Variants in HNRNPUL1 observed in about 807,000 individuals in gnomAD.
HNRNPUL1 encodes the protein heterogeneous nuclear ribonucleoprotein U like 1.
HNRNPUL1 carries 14 observed loss-of-function variants against 108.5 expected under a neutral mutation model. The ratio of observed to expected loss-of-function variants is 0.13; its 90% CI spans 0.09 to 0.20. The LOEUF (loss-of-function observed/expected upper bound fraction) is 0.20. Ranked by LOEUF, HNRNPUL1 falls within the 10% of genes least tolerant of loss-of-function variation. HNRNPUL1 has a pLI of 1.00. For missense variants in HNRNPUL1, 804 were observed against 1,168.3 expected (o/e 0.69, Z 4.55); for synonymous variants, 422 against 445.2 (o/e 0.95, Z 0.66).
At chr19:41,303,618 T>C (rs2037370424) in intron 12 of HNRNPUL1, among the ~76,000 whole-genome samples, 1 of 151,942 alleles carries the variant, frequency 6.6e-6, no homozygotes, top group African/African-American at 2.4e-5. Flanking sequence ...CCTCCCAGAG[T>C]GCTAGGATTA....
At chr19:41,300,052 T>G (rs891658943) in intron 10 of HNRNPUL1, among the ~76,000 whole-genome samples, 1 of 152,124 alleles carries the variant, frequency 6.6e-6, no homozygotes, top group Non-Finnish European at 1.5e-5. Context: ...AGGCTGAGGC[T>G]GGGCCATCCC....
intron 10 of HNRNPUL1, among the ~76,000 whole-genome samples, chr19:41,296,118 C>T (rs1238214372): frequency 6.6e-6 from 1 of 152,206 alleles, no homozygotes; most frequent in African/African-American, 2.4e-5. Context: ...ATACCCTAGC[C>T]AGTATTCCTC....
In HNRNPUL1 at chr19:41,292,980, G is replaced by T. The variant is rs758510334; in HGVS notation, c.1266+469G>T. ...CCACCTCAGCTTCTCGAGTAGCTGGGACCACAGGTACATGCCACCATGCCA... is the reference window on the plus strand; with the variant it reads ...CCACCTCAGCTTCTCGAGTAGCTGGTACCACAGGTACATGCCACCATGCCA... On this transcript the variant is annotated intron_variant, in intron 8 of 14. Coordinates refer to ENST00000392006, the MANE Select transcript of HNRNPUL1 (RefSeq NM_007040.6). The surrounding 1 kb of genome is among the most constrained non-coding windows in gnomAD (Gnocchi z 4.1). 3.3e-5 allele frequency among the ~76,000 whole-genome samples: 5 copies of T among 151,982 alleles called. No homozygotes were observed. The highest frequency in any genetic ancestry group is 7.4e-5 in the Non-Finnish European group (5 of 68,008).
intron 1 of HNRNPUL1, among the ~76,000 whole-genome samples, chr19:41,266,631 G>A (rs2034865104): frequency 6.6e-6 from 1 of 152,120 alleles, no homozygotes; most frequent in Admixed American, 6.5e-5. Flanking sequence ...GGGGGGACTG[G>A]AAAGGTTAAG....
chr19:41,292,568 A>ACACC lies in HNRNPUL1; in HGVS notation c.1266+60_1266+61insCCAC. 7.7e-7 allele frequency: 1 copy of ACACC among 1,290,618 alleles called. No homozygotes were observed. Among genetic ancestry groups the ACACC allele is most frequent in the Middle Eastern group, 2.9e-4 (1 of 3,436 alleles). 79.9% of individuals were successfully genotyped at this position (1,290,618 alleles called of 1,614,324 possible). On this transcript the variant is annotated intron_variant, in intron 8 of 14. Transcript: ENST00000392006. The surrounding 1 kb of genome is among the most constrained non-coding windows in gnomAD (Gnocchi z 4.1). ...CTTGCTGCCAAGACAGAGGAGACACACACACACACACACACACAGACTTGC... is the reference window on the plus strand; with the variant it reads ...CTTGCTGCCAAGACAGAGGAGACACACACCCACACACACACACACACAGACTTGC...
In HNRNPUL1 at chr19:41,264,720, G is replaced by C; in HGVS notation, c.217G>C (p.Glu73Gln). ...EVETEGGSEL[E>Q]GTAQPPPPGL... ...CGAGACCGAGGGGGGCTCCGAGCTGGAGGGGACCGCGCAGCCACCGCCGCC... is the reference window on the plus strand; with the variant it reads ...CGAGACCGAGGGGGGCTCCGAGCTGCAGGGGACCGCGCAGCCACCGCCGCC... The change falls in exon 1 of 15, where the codon GAG becomes CAG. Residue 73 changes from glutamate (E) to glutamine (Q), a missense_variant. Transcript: ENST00000392006. 1 of 1,467,226 alleles carries C rather than the reference G, an allele frequency of 6.8e-7. No individual in the cohort carries two copies. 90.9% of individuals were successfully genotyped at this position (1,467,226 alleles called of 1,614,324 possible).
At chr19:41,288,366 C>T (rs937070307) in intron 7 of HNRNPUL1, among the ~76,000 whole-genome samples, 14 of 152,058 alleles carry the variant, frequency 9.2e-5, no homozygotes, top group African/African-American at 3.1e-4. Context: ...CTGCCTCAGC[C>T]TCCCAAGTGC....
chr19:41,267,333 T>C (rs1275991089), intron 1 of HNRNPUL1, among the ~76,000 whole-genome samples: 1 of 152,102 alleles, frequency 6.6e-6, no homozygotes, highest in Non-Finnish European at 1.5e-5. Context: ...AGAGAGATGC[T>C]GGGGAAAAGA....
Position 41,303,957 on chromosome 19 carries a change from A to T in HNRNPUL1, c.1973-15A>T, listed in dbSNP as rs1333249909. On this transcript the variant is annotated splice_polypyrimidine_tract_variant and intron_variant, in intron 12 of 14. Coordinates refer to ENST00000392006, the MANE Select transcript of HNRNPUL1 (RefSeq NM_007040.6). Reference sequence around the variant, plus strand: ...GGGAATGATGGCGCCTTTCATCTGGATTTCTCCAACACAGGTTTCAACCGC... The same window carrying T: ...GGGAATGATGGCGCCTTTCATCTGGTTTTCTCCAACACAGGTTTCAACCGC... The T allele has an allele frequency of 6.3e-7, 1 of 1,594,788 alleles. No homozygotes were observed. Among genetic ancestry groups the T allele is most frequent in the Non-Finnish European group, 8.6e-7 (1 of 1,166,486 alleles).
chr19:41,282,212 T>C (rs7257583), intron 7 of HNRNPUL1, among the ~76,000 whole-genome samples: 33,779 of 152,042 alleles, frequency 0.22, 4,445 homozygotes, highest in East Asian at 0.34. Flanking sequence ...ATGAGTTTTT[T>C]GCTCTTGTTG....
At chr19:41,269,499 A>C (rs956103120) in intron 2 of HNRNPUL1, among the ~76,000 whole-genome samples, 2 of 151,676 alleles carry the variant, frequency 1.3e-5, no homozygotes, top group East Asian at 1.9e-4. Flanking sequence ...AAAAAAAAAA[A>C]AAAACCTAAA....
chr19:41,267,025 T>G (rs546369525), intron 1 of HNRNPUL1, among the ~76,000 whole-genome samples: 1 of 152,298 alleles, frequency 6.6e-6, no homozygotes, highest in South Asian at 2.1e-4. Context: ...GGAAAGCGAA[T>G]TAGGTGCTTT....
At chr19:41,277,756 C>T (rs1201677379) in intron 5 of HNRNPUL1, among the ~76,000 whole-genome samples, 1 of 152,190 alleles carries the variant, frequency 6.6e-6, no homozygotes, top group African/African-American at 2.4e-5. Context: ...ATCTGCCTGC[C>T]TTGGCCTCCC....
Position 41,264,708 on chromosome 19 carries a change from G to T in HNRNPUL1, c.205G>T (p.Gly69Cys). Residue 69 changes from glycine to cysteine, a missense_variant, in exon 1 of 15, where the codon GGC (glycine) becomes TGC (cysteine). This residue lies in a region of HNRNPUL1 where 256 missense variants were observed against 261.6 expected (regional missense o/e 0.98). Transcript: ENST00000392006. ...CAACGAGGAGGTCGAGACCGAGGGG[G>T]GCTCCGAGCTGGAGGGGACCGCGCA... ...HINEEVETEG[G>C]SELEGTAQPP... 6.5e-7 allele frequency: 1 copy of T among 1,534,076 alleles called. No homozygotes were observed. The highest frequency in any genetic ancestry group is 1.8e-5 in the Admixed American group (1 of 54,312).
rs771760316 is a variant in HNRNPUL1, at chr19:41,292,338, G to A, written c.1093G>A (p.Gly365Ser). ...CCGAATCCAGAAGGAAGCCTTGGGGGGTCAGGCCCTCTATCCTCATGTCCT... is the reference window on the plus strand; with the variant it reads ...CCGAATCCAGAAGGAAGCCTTGGGGAGTCAGGCCCTCTATCCTCATGTCCT... ...AFRIQKEALG[G>S]QALYPHVLVK... Residue 365 changes from glycine (G) to serine (S), a missense_variant, in exon 8 of 15, where the codon GGT (glycine) becomes AGT (serine). By Grantham distance (56) the Gly-to-Ser change is moderately conservative (BLOSUM62 0). This residue lies in a region of HNRNPUL1 where 174 missense variants were observed against 296.6 expected (regional missense o/e 0.59). Transcript: ENST00000392006. This position sits in a 1 kb window ranked among gnomAD's most constrained non-coding sequence, Gnocchi z 4.1. 6.2e-7 allele frequency: 1 copy of A among 1,614,194 alleles called. No homozygotes were observed. The highest frequency in any genetic ancestry group is 1.3e-5 in the African/African-American group (1 of 75,032).
intron 10 of HNRNPUL1, among the ~76,000 whole-genome samples, chr19:41,296,699 A>G (rs897116516): frequency 3.3e-5 from 5 of 152,250 alleles, no homozygotes; most frequent in African/African-American, 4.8e-5. Flanking sequence ...TGGCACTTCC[A>G]TTCCACCAGC....
Position 41,292,096 on chromosome 19 carries a change from C to A in HNRNPUL1, c.1000-149C>A. 1 of 811,950 alleles carries A rather than the reference C, an allele frequency of 1.2e-6. No homozygotes were observed. Among genetic ancestry groups the A allele is most frequent in the South Asian group, 1.6e-5 (1 of 61,492 alleles). 50.3% of individuals were successfully genotyped at this position (811,950 alleles called of 1,614,324 possible). A position where few individuals can be genotyped will look rare whatever the true frequency, so the allele number is the denominator to read the frequency against. ...ACATTCTCTGAGATGTTCACTGATG[C>A]TGCCCAGCTTACCTGTATGTTGGGG... On this transcript the variant is annotated intron_variant, in intron 7 of 14. Transcript: ENST00000392006. This position sits in a 1 kb window ranked among gnomAD's most constrained non-coding sequence, Gnocchi z 4.1.
In HNRNPUL1 at chr19:41,264,569, T is replaced by C; in HGVS notation, c.66T>C (p.Thr22=). The C allele has an allele frequency of 1.3e-6, 2 of 1,553,262 alleles. No individual in the cohort carries two copies. The highest frequency in any genetic ancestry group is 1.7e-6 in the Non-Finnish European group (2 of 1,156,300). ...AGCTGCAGCGCCGCGGCCTGGACAC[T>C]CGAGGCCTCAAGGCCGAGCTTGCTG... The part of the protein sequence containing the change: ...REELQRRGLD[T]RGLKAELAER... Residue 22 remains threonine, a synonymous_variant, in exon 1 of 15, where the codon ACT becomes ACC. Transcript: ENST00000392006.
chr19:41,271,957 T>G (rs997779740), intron 2 of HNRNPUL1, 125 bp from the exon 3 acceptor site: 49 of 1,079,820 alleles, frequency 4.5e-5, no homozygotes, highest in Non-Finnish European at 6.5e-5. Context: ...GCAAGCTGCC[T>G]GTGCCCAGCC....
Sources: gnomAD v4.1 joint callset for allele counts (sites outside exome capture counted in the v4.1 genomes callset) on GRCh38, gnomAD v4.1.1 for gene constraint, gnomAD v4.1.1 regional missense constraint, Gnocchi (gnomAD v3.1) non-coding constraint, MANE v1.5 for transcripts, NCBI Gene and HGNC (gene_info 2026-07-23, HGNC 2026-07-21) for gene names.